NSD1: variants seen among roughly 807,000 people sequenced by gnomAD.
NSD1 encodes histone-lysine N-methyltransferase, H3 lysine-36 specific.
Under a neutral mutation model 242.7 loss-of-function variants are expected in NSD1, and 26 were observed. The observed-to-expected ratio is 0.11, with a 90% CI of 0.08 to 0.15. NSD1 has a LOEUF of 0.15. Ranked by LOEUF, NSD1 falls within the 10% of genes least tolerant of loss-of-function variation. NSD1 has a pLI of 1.00. For missense variants in NSD1, 2,495 were observed against 3,272.8 expected, an observed-to-expected ratio of 0.76 and a Z score of 5.80; for synonymous variants, 1,106 against 1,178.1, an observed-to-expected ratio of 0.94 and a Z score of 1.25.
At chr5:177,209,528 CAAAAAAAA>C in intron 4 of NSD1, 100 bp from the exon 5 acceptor site, 2 of 579,700 alleles carry the variant, frequency 3.5e-6, no homozygotes, top group Non-Finnish European at 5.3e-6. Context: ...GACTCTGTCT[CAAAAAAAA>C]AAAAAAAAGG....
intron 17 of NSD1, among the ~76,000 whole-genome samples, chr5:177,274,902 T>A (rs2127245507): frequency 6.6e-6 from 1 of 152,006 alleles, no homozygotes; most frequent in Admixed American, 6.6e-5. Context: ...TGCGGCTAAT[T>A]TTTGTATTTT....
At chr5:177,167,702 G>A (rs1759326973) in intron 2 of NSD1, among the ~76,000 whole-genome samples, 1 of 152,098 alleles carries the variant, frequency 6.6e-6, no homozygotes, top group African/African-American at 2.4e-5. Context: ...AGTACAGATG[G>A]TCTCAGATAT....
intron 2 of NSD1, among the ~76,000 whole-genome samples, chr5:177,185,117 A>G (rs1328513769): frequency 6.6e-6 from 1 of 151,978 alleles, no homozygotes; most frequent in African/African-American, 2.4e-5. Context: ...TACTTCCCCC[A>G]CTTCCCCTCG....
Position 177,238,556 on chromosome 5 carries a change from A to G in NSD1, c.4192+49A>G. The G allele has an allele frequency of 1.3e-6, 2 of 1,597,416 alleles. No individual in the cohort carries two copies. The highest frequency in any genetic ancestry group is 1.1e-5 in the South Asian group (1 of 90,870). ...TATTTGAGCAGATATGATTAGAGGA[A>G]GCAGGAGATTTTAGTATGTTTTGAT... On this transcript the variant is annotated intron_variant, in intron 7 of 22. Transcript: ENST00000439151. This position sits in a 1 kb window ranked among gnomAD's most constrained non-coding sequence, Gnocchi z 4.6.
At chr5:177,184,264 C>G (rs565070250) in intron 2 of NSD1, among the ~76,000 whole-genome samples, 6 of 152,228 alleles carry the variant, frequency 3.9e-5, no homozygotes, top group African/African-American at 1.4e-4. Flanking sequence ...TGAGGGTTCC[C>G]TTTTCTCCAC....
intron 2 of NSD1, among the ~76,000 whole-genome samples, chr5:177,137,745 C>A (rs1756459106): frequency 6.6e-6 from 1 of 151,736 alleles, no homozygotes; most frequent in Non-Finnish European, 1.5e-5. Flanking sequence ...AATTGTAAAC[C>A]TGTTTCTCGT....
rs537865260 is a variant in NSD1 at position 177,300,147 on chromosome 5, C to A, written c.*4688C>A. 581 of 195,508 alleles carry A rather than the reference C, an allele frequency of 3.0e-3. 2 individuals are homozygous for A. Among genetic ancestry groups the A allele is most frequent in the African/African-American group, 0.013 (537 of 41,018 alleles). 12.1% of individuals were successfully genotyped at this position (195,508 alleles called of 1,614,324 possible). On this transcript the variant is annotated 3_prime_UTR_variant, in exon 23 of 23. Transcript: ENST00000439151. ...GCCCTGTGTTAGGAGTCCCCATAAA[C>A]ATGTACTGTAATTCTTTGTATATAG... is the stretch of plus-strand genomic sequence containing the variant.
At chr5:177,257,817 T>A (rs1042280906) in intron 13 of NSD1, among the ~76,000 whole-genome samples, 67 of 139,736 alleles carry the variant, frequency 4.8e-4, no homozygotes, top group East Asian at 1.3e-3. Flanking sequence ...CTGGGCTTTT[T>A]TTTTATTTTA....
chr5:177,148,392 A>G (rs1672275146), intron 2 of NSD1, among the ~76,000 whole-genome samples: 1 of 152,110 alleles, frequency 6.6e-6, no homozygotes, highest in Non-Finnish European at 1.5e-5. Flanking sequence ...TGCTGGGATT[A>G]CAGGCGTGAG....
intron 2 of NSD1, among the ~76,000 whole-genome samples, chr5:177,164,044 A>G (rs928398167): frequency 5.3e-5 from 8 of 151,916 alleles, no homozygotes; most frequent in Admixed American, 4.6e-4. Flanking sequence ...AAATTTGATT[A>G]CTTGTATTTC....
intron 2 of NSD1, among the ~76,000 whole-genome samples, chr5:177,148,278 C>T (rs868291374): frequency 6.6e-6 from 1 of 151,528 alleles, no homozygotes; most frequent in African/African-American, 2.4e-5. Context: ...CCACCACACC[C>T]AGCTCATTTT....
chr5:177,198,463 A>G (rs530847100), intron 3 of NSD1, among the ~76,000 whole-genome samples: 1 of 152,222 alleles, frequency 6.6e-6, no homozygotes, highest in Admixed American at 6.6e-5. Context: ...GAGCGAAAGT[A>G]CTCACTGTGG....
chr5:177,259,921 A>G, intron 13 of NSD1, 68 bp from the exon 14 acceptor site: 1 of 1,542,238 alleles, frequency 6.5e-7, no homozygotes, highest in Non-Finnish European at 8.9e-7. Context: ...AGACTTGAAT[A>G]ACTCACATTC....
At chr5:177,190,327 C>T (rs968803734) in intron 2 of NSD1, among the ~76,000 whole-genome samples, 2 of 151,946 alleles carry the variant, frequency 1.3e-5, no homozygotes, top group African/African-American at 4.8e-5. Context: ...TTGCCCAGGC[C>T]GGCGTGCAGT....
intron 20 of NSD1, 108 bp from the exon 21 acceptor site, chr5:177,288,711 C>A (rs1168277228): frequency 3.7e-6 from 3 of 810,122 alleles, no homozygotes; most frequent in East Asian, 5.2e-5. Context: ...GAGCTAAATT[C>A]TTTTTAAAAT....
chr5:177,181,666 T>C (rs952306819), intron 2 of NSD1, among the ~76,000 whole-genome samples: 1 of 151,368 alleles, frequency 6.6e-6, no homozygotes, highest in Non-Finnish European at 1.5e-5. Flanking sequence ...CCTCAAGTGA[T>C]CTGCCCTCCT....
chr5:177,192,478 C>T (rs1050472403), intron 3 of NSD1, among the ~76,000 whole-genome samples: 2 of 152,110 alleles, frequency 1.3e-5, no homozygotes, highest in East Asian at 3.9e-4. Context: ...CTTACCGCAA[C>T]CTCTGCCTCC....
chr5:177,237,014 C>G (rs1765502495), intron 6 of NSD1, among the ~76,000 whole-genome samples: 1 of 151,970 alleles, frequency 6.6e-6, no homozygotes, highest in Non-Finnish European at 1.5e-5. Flanking sequence ...TTTTTGACAA[C>G]ATTTTTTTTG....
chr5:177,237,089 T>G (rs1256390693), intron 6 of NSD1, among the ~76,000 whole-genome samples: 1 of 152,184 alleles, frequency 6.6e-6, no homozygotes, highest in Non-Finnish European at 1.5e-5. Context: ...GTGATCTTTC[T>G]GCCTCAGCCT....
Sources: allele counts gnomAD v4.1 joint callset (sites outside exome capture counted in the v4.1 genomes callset), GRCh38; gene constraint gnomAD v4.1.1; non-coding constraint Gnocchi (gnomAD v3.1); transcripts MANE v1.5; gene names NCBI Gene and HGNC (gene_info 2026-07-23, HGNC 2026-07-21).